DTHD1: variants seen among roughly 807,000 people sequenced by gnomAD.
DTHD1 encodes the protein death domain containing 1.
In DTHD1, 59 loss-of-function variants were observed where a neutral mutation model predicts 74.8. The ratio of observed to expected loss-of-function variants is 0.79; its 90% CI spans 0.64 to 0.98. The LOEUF (loss-of-function observed/expected upper bound fraction) is 0.98, where lower values mean the gene tolerates loss of function less well. Among genes scored for constraint, DTHD1 ranks in the 50% least tolerant of loss-of-function variants. The pLI is 0.00. For synonymous variants in DTHD1, 365 were observed against 371.1 expected (o/e 0.98, Z 0.19); for missense variants, 1,051 against 1,065.4 (o/e 0.99, Z 0.19).
intron 8 of DTHD1, among the ~76,000 whole-genome samples, chr4:36,324,179 T>G (rs1758202606): frequency 6.6e-6 from 1 of 151,970 alleles, no homozygotes. Context: ...CTTTTCTTTT[T>G]CCTTTCCCCT....
chr4:36,308,413 C>CT lies in DTHD1; in HGVS notation c.2016dup (p.Pro673SerfsTer47). The CT allele has an allele frequency of 6.4e-7, 1 of 1,551,836 alleles. No homozygotes were observed. The highest frequency in any genetic ancestry group is 8.7e-7 in the Non-Finnish European group (1 of 1,147,022). Reference sequence around the variant, plus strand: ...CTGCACTTGGAAGGGTTTGGAGGACCTCCAGAGCCATCTCGTCATTTCCAA... The same window carrying CT: ...CTGCACTTGGAAGGGTTTGGAGGACCTTCCAGAGCCATCTCGTCATTTCCAA... On this transcript the variant is annotated frameshift_variant, in exon 7 of 10. Transcript: ENST00000639862. LOFTEE classifies it high-confidence loss of function.
intron 9 of DTHD1, among the ~76,000 whole-genome samples, chr4:36,339,851 T>C (rs1468187122): frequency 6.6e-6 from 1 of 152,130 alleles, no homozygotes; most frequent in Non-Finnish European, 1.5e-5. Flanking sequence ...TAAACTCCAC[T>C]AGGAATAGGA....
Position 36,284,108 on chromosome 4 carries a change from C to T in DTHD1, c.404C>T (p.Thr135Ile). The change falls in exon 2 of 10, where the codon ACA becomes ATA. Residue 135 changes from threonine to isoleucine, a missense_variant. By Grantham distance (89) the Thr-to-Ile change is moderately conservative. Coordinates refer to ENST00000639862, the MANE Select transcript of DTHD1 (RefSeq NM_001170700.3). The part of the protein sequence containing the change: ...GMHDECTPQQ[T>I]MSSIQDTKAA... ...CATGATGAATGTACTCCACAGCAGACAATGTCCTCCATTCAAGATACCAAA... is the reference window on the plus strand; with the variant it reads ...CATGATGAATGTACTCCACAGCAGATAATGTCCTCCATTCAAGATACCAAA... 1 of 1,537,192 alleles carries T rather than the reference C, an allele frequency of 6.5e-7. No homozygotes were observed. The highest frequency in any genetic ancestry group is 8.7e-7 in the Non-Finnish European group (1 of 1,146,890).
intron 8 of DTHD1, among the ~76,000 whole-genome samples, chr4:36,325,542 T>C (rs1232194524): frequency 3.3e-5 from 5 of 152,098 alleles, no homozygotes; most frequent in African/African-American, 1.2e-4. Flanking sequence ...CAGAAGACAG[T>C]GTGATAGCCT....
At chr4:36,294,384 A>G (rs1756264574) in intron 4 of DTHD1, among the ~76,000 whole-genome samples, 1 of 151,986 alleles carries the variant, frequency 6.6e-6, no homozygotes, top group South Asian at 2.1e-4. Context: ...TGTTGGAATC[A>G]TCTTAGCTAT....
Position 36,345,200 on chromosome 4 carries a change from A to C in DTHD1, c.*1376A>C, listed in dbSNP as rs888850535. 3 of 152,150 alleles carry C rather than the reference A, an allele frequency of 2.0e-5. No homozygotes were observed. The highest frequency in any genetic ancestry group is 4.4e-5 in the Non-Finnish European group (3 of 68,000). 9.4% of individuals were successfully genotyped at this position (152,150 alleles called of 1,614,324 possible). A position where few individuals can be genotyped will look rare whatever the true frequency, so the allele number is the denominator to read the frequency against. ...ATACATCATTAAAAATAAACAAAAC[A>C]TCTGTAAATAGAACATTAAAATGAA... On this transcript the variant is annotated 3_prime_UTR_variant, in exon 10 of 10. Coordinates refer to ENST00000639862, the MANE Select transcript of DTHD1 (RefSeq NM_001170700.3).
At chr4:36,316,845 G>A (rs1429556194) in intron 8 of DTHD1, among the ~76,000 whole-genome samples, 2 of 152,178 alleles carry the variant, frequency 1.3e-5, no homozygotes, top group South Asian at 4.1e-4. Flanking sequence ...AAGTCATGGT[G>A]AAGAGAAAAA....
At chr4:36,308,748 T>C (rs779367849) in intron 7 of DTHD1, among the ~76,000 whole-genome samples, 2 of 152,236 alleles carry the variant, frequency 1.3e-5, no homozygotes, top group African/African-American at 4.8e-5. Context: ...TCACAGTTAC[T>C]ATCTGAGTCC....
chr4:36,306,250 T>C lies in DTHD1; in HGVS notation c.1703T>C (p.Leu568Pro), dbSNP rs1446086665. 1.3e-6 allele frequency: 2 copies of C among 1,551,766 alleles called. No individual in the cohort carries two copies. Among genetic ancestry groups the C allele is most frequent in the Non-Finnish European group, 1.7e-6 (2 of 1,147,018 alleles). ...AATGCCAGTGAATGTTTGAAATTAC[T>C]GGGATTCAGAAGCCAAGACAGTGGT... ...RKNASECLKL[L>P]GFRSQDSGWC... is the part of the protein sequence containing the mutation. The change falls in exon 6 of 10, where the codon CTG becomes CCG. Residue 568 changes from leucine (L) to proline (P), a missense_variant. Physicochemically the swap from Leu to Pro is moderately conservative, Grantham distance 98. Transcript: ENST00000639862.
intron 8 of DTHD1, among the ~76,000 whole-genome samples, chr4:36,324,044 C>A (rs1758192854): frequency 6.6e-6 from 1 of 152,134 alleles, no homozygotes; most frequent in South Asian, 2.1e-4. Flanking sequence ...GGAAAATGAA[C>A]AAAGCTGGTT....
At chr4:36,305,797 C>A (rs1156620070) in intron 5 of DTHD1, among the ~76,000 whole-genome samples, 2 of 152,102 alleles carry the variant, frequency 1.3e-5, no homozygotes, top group African/African-American at 2.4e-5. Flanking sequence ...TTTACATCAG[C>A]GAGTTTATTA....
At chr4:36,319,311 A>G (rs1467709398) in intron 8 of DTHD1, among the ~76,000 whole-genome samples, 1 of 152,228 alleles carries the variant, frequency 6.6e-6, no homozygotes, top group Non-Finnish European at 1.5e-5. Flanking sequence ...GGGGAGGTCT[A>G]TAGCTGTCTC....
chr4:36,293,783 G>C (rs1756230324), intron 4 of DTHD1, 78 bp downstream of exon 4: 2 of 1,222,992 alleles, frequency 1.6e-6, no homozygotes, highest in African/African-American at 1.5e-5. Context: ...CAACAAAGAA[G>C]GTATCAATAT....
At chr4:36,312,153 C>G (rs554225338) in intron 7 of DTHD1, among the ~76,000 whole-genome samples, 2 of 151,832 alleles carry the variant, frequency 1.3e-5, no homozygotes, top group South Asian at 4.2e-4. Context: ...GTTATTCAAG[C>G]CCCAACTGCA....
intron 7 of DTHD1, among the ~76,000 whole-genome samples, chr4:36,314,427 C>A (rs1342251506): frequency 4.7e-5 from 7 of 148,666 alleles, no homozygotes; most frequent in African/African-American, 1.7e-4. Flanking sequence ...AATCCCAGCA[C>A]TTTGGGAGGC....
At chr4:36,335,272 G>A (rs544859878) in intron 8 of DTHD1, among the ~76,000 whole-genome samples, 112 of 152,186 alleles carry the variant, frequency 7.4e-4, no homozygotes, top group Non-Finnish European at 1.5e-3. Flanking sequence ...CATGAAGGCT[G>A]GAGTGCAGTG....
Position 36,316,390 on chromosome 4 carries a change from T to G in DTHD1, c.2244T>G (p.Pro748=). The G allele has an allele frequency of 6.4e-7, 1 of 1,552,152 alleles. No individual in the cohort carries two copies. The highest frequency in any genetic ancestry group is 8.7e-7 in the Non-Finnish European group (1 of 1,147,086). The change falls in exon 8 of 10, where the codon CCT becomes CCG. Residue 748 remains proline, a synonymous_variant. Transcript: ENST00000639862. ...YKGTIVVYKV[P]KGKIVPNLNQ... is the part of the protein sequence containing the mutation. Reference sequence around the variant, plus strand: ...GCACCATTGTCGTTTATAAAGTACCTAAAGGAAAGATAGTCCCCAACTTGA... The same window carrying G: ...GCACCATTGTCGTTTATAAAGTACCGAAAGGAAAGATAGTCCCCAACTTGA...
At chr4:36,324,144 C>A (rs547996928) in intron 8 of DTHD1, among the ~76,000 whole-genome samples, 11 of 151,898 alleles carry the variant, frequency 7.2e-5, no homozygotes, top group African/African-American at 2.2e-4. Flanking sequence ...TCCTCCCCCC[C>A]ATTCCTTTCT....
chr4:36,294,801 C>T lies in DTHD1; in HGVS notation c.1405C>T (p.Pro469Ser). 2 of 1,539,556 alleles carry T rather than the reference C, an allele frequency of 1.3e-6. No individual in the cohort carries two copies. The highest frequency in any genetic ancestry group is 1.8e-6 in the Non-Finnish European group (2 of 1,141,702). ...SPVLVQLKIQ[P>S]VDPALVAHLK... Reference sequence around the variant, plus strand: ...AAATATATTTTTTGTTTAGATCCAACCAGTTGACCCAGCTCTGGTGGCACA... The same window carrying T: ...AAATATATTTTTTGTTTAGATCCAATCAGTTGACCCAGCTCTGGTGGCACA... Residue 469 changes from proline (P) to serine (S), a missense_variant, in exon 5 of 10, where the codon CCA becomes TCA. Coordinates refer to ENST00000639862, the MANE Select transcript of DTHD1 (RefSeq NM_001170700.3).
Sources: allele counts gnomAD v4.1 joint callset (sites outside exome capture counted in the v4.1 genomes callset), GRCh38; gene constraint gnomAD v4.1.1; transcripts MANE v1.5; gene names NCBI Gene and HGNC (gene_info 2026-07-23, HGNC 2026-07-21).